B3GALNT2: variants seen among roughly 807,000 people sequenced by gnomAD.
B3GALNT2 encodes the protein beta-1,3-N-acetylgalactosaminyltransferase 2.
In B3GALNT2, 53 loss-of-function variants were observed where a neutral mutation model predicts 61.1. That is an observed-to-expected ratio of 0.87 (90% confidence interval 0.70 to 1.09). The LOEUF (loss-of-function observed/expected upper bound fraction) is 1.09. Among genes scored for constraint, B3GALNT2 ranks in the 50% least tolerant of loss-of-function variants. The pLI is 0.00. For synonymous variants in B3GALNT2, 223 were observed against 237.4 expected (o/e 0.94, Z 0.56); for missense variants, 544 against 623.0 (o/e 0.87, Z 1.35).
At chr1:235,454,336 G>C (rs1683067384) in intron 9 of B3GALNT2, 21 bp from the exon 10 acceptor site, 1 of 1,595,956 alleles carries the variant, frequency 6.3e-7, no homozygotes, top group Non-Finnish European at 8.6e-7. Context: ...AAATAATGTG[G>C]CCTCTTGTGT....
chr1:235,490,844 T>C (rs1685029928), intron 2 of B3GALNT2, among the ~76,000 whole-genome samples: 1 of 152,092 alleles, frequency 6.6e-6, no homozygotes, highest in Non-Finnish European at 1.5e-5. Context: ...GTGGAAATAG[T>C]ATATATGGCA....
chr1:235,497,592 C>T (rs1685386515), intron 1 of B3GALNT2, among the ~76,000 whole-genome samples: 2 of 152,280 alleles, frequency 1.3e-5, no homozygotes, highest in South Asian at 2.1e-4. Flanking sequence ...TAATTTACTA[C>T]CTTATTTTTG....
the B3GALNT2 span, chr1:235,441,367 T>G: frequency 3.9e-6 from 1 of 257,376 alleles, no homozygotes; most frequent in Non-Finnish European, 7.5e-6. Flanking sequence ...AGAAGTGTCC[T>G]GTGGATCGTG....
intron 3 of B3GALNT2, among the ~76,000 whole-genome samples, chr1:235,488,955 T>G (rs1572547357): frequency 6.6e-6 from 1 of 151,844 alleles, no homozygotes; most frequent in Admixed American, 6.6e-5. Context: ...GGTGGTGAGG[T>G]AGGAGGATCG....
downstream of B3GALNT2, among the ~76,000 whole-genome samples, chr1:235,446,103 A>T (rs1682253210): frequency 6.6e-6 from 1 of 152,250 alleles, no homozygotes; most frequent in Admixed American, 6.5e-5. Context: ...CATGGCATGG[A>T]ATTGGCATGA....
intron 2 of B3GALNT2, among the ~76,000 whole-genome samples, chr1:235,492,738 T>G (rs892033572): frequency 2.0e-5 from 3 of 151,902 alleles, no homozygotes; most frequent in Admixed American, 6.6e-5. Flanking sequence ...ACAAACAAGA[T>G]AGGGGTGGGC....
At chr1:235,445,786 T>C (rs1682220823), downstream of B3GALNT2, among the ~76,000 whole-genome samples, 1 of 152,176 alleles carries the variant, frequency 6.6e-6, no homozygotes, top group Non-Finnish European at 1.5e-5. Flanking sequence ...AATACACATA[T>C]GCTCTGACCA....
In B3GALNT2 at chr1:235,448,196, TTAAGTAAG is replaced by T. The variant is rs562018636; in HGVS notation, c.*2002_*2009del. ...GCCTGGGCGACAGAGCAAGACTTACTTAAGTAAGTAAGTAAGTCAGTCTCAAAAAAAAA... is the reference window on the plus strand; with the variant it reads ...GCCTGGGCGACAGAGCAAGACTTACTTAAGTAAGTCAGTCTCAAAAAAAAA... On this transcript the variant is annotated 3_prime_UTR_variant, in exon 12 of 12. Transcript: ENST00000366600. Among the ~76,000 whole-genome samples, 1 of 139,000 alleles carries T rather than the reference TTAAGTAAG, an allele frequency of 7.2e-6. No individual in the cohort carries two copies. The highest frequency in any genetic ancestry group is 1.5e-5 in the Non-Finnish European group (1 of 66,246). The allele number at this position is 139,000 out of a possible 152,430, so 91.2% of individuals were successfully genotyped here.
chr1:235,455,823 C>A, intron 8 of B3GALNT2, 139 bp from the exon 9 acceptor site: 1 of 1,125,416 alleles, frequency 8.9e-7, no homozygotes, highest in Non-Finnish European at 1.2e-6. Context: ...AGAACATTTG[C>A]TCTAACAAAA....
At position 235,458,938 on chromosome 1, in the gene B3GALNT2, T is replaced by C. The variant is rs189689328; in HGVS notation, c.842-152A>G. ...TTAGGTAGAAAAATGGGAACTCTCATACACTGCCAGTAGGATTAAGTGGAT... is the reference window on the plus strand; with the variant it reads ...TTAGGTAGAAAAATGGGAACTCTCACACACTGCCAGTAGGATTAAGTGGAT... On this transcript the variant is annotated intron_variant, in intron 7 of 11. Transcript: ENST00000366600. 39 of 697,460 alleles carry C rather than the reference T, an allele frequency of 5.6e-5. No individual in the cohort carries two copies. In the African/African-American group the frequency reaches 6.4e-4, roughly 11 times the overall value. The allele number at this position is 697,460 out of a possible 1,614,324, so 43.2% of individuals were successfully genotyped here.
At chr1:235,470,512 A>T (rs1008126465) in intron 6 of B3GALNT2, among the ~76,000 whole-genome samples, 4 of 144,310 alleles carry the variant, frequency 2.8e-5, no homozygotes, top group South Asian at 2.2e-4. Context: ...CAGGAGGTGG[A>T]GGCTGCAGTG....
At chr1:235,490,376 G>A (rs191845640) in intron 2 of B3GALNT2, among the ~76,000 whole-genome samples, 788 of 152,202 alleles carry the variant, frequency 5.2e-3, no homozygotes, top group Admixed American at 7.8e-3. Context: ...GATTACAGGC[G>A]TGTGCCACCA....
In B3GALNT2 at chr1:235,461,507, G is replaced by GTTT. The variant is rs57611133; in HGVS notation, c.842-2724_842-2722dup. Among the ~76,000 whole-genome samples the GTTT allele has an allele frequency of 3.3e-3, 209 of 63,382 alleles. 42 individuals are homozygous for GTTT. Among genetic ancestry groups the GTTT allele is most frequent in the East Asian group, 9.4e-3 (16 of 1,698 alleles). The allele number at this position is 63,382 out of a possible 152,430, so 41.6% of individuals were successfully genotyped here. ...GAAACACAGGGGTAGATGACCTCCT[G>GTTT]TTTTTTTTTTTTTTTTTTTTTTTTT... is the stretch of plus-strand genomic sequence containing the variant. On this transcript the variant is annotated intron_variant, in intron 7 of 11. Transcript: ENST00000366600.
chr1:235,485,803 T>C (rs1404431093), intron 3 of B3GALNT2, among the ~76,000 whole-genome samples: 2 of 148,720 alleles, frequency 1.3e-5, no homozygotes, highest in African/African-American at 4.8e-5. Flanking sequence ...CACACACCTA[T>C]TTACTTACAA....
intron 11 of B3GALNT2, chr1:235,452,561 T>TC (rs1682973574): frequency 6.6e-6 from 1 of 152,036 alleles, no homozygotes; most frequent in African/African-American, 2.4e-5. Flanking sequence ...TTTTTTTTTT[T>TC]TGAGACAGGG....
intron 7 of B3GALNT2, chr1:235,465,379 T>C: frequency 2.7e-6 from 1 of 377,300 alleles, no homozygotes; most frequent in Non-Finnish European, 4.6e-6. Context: ...AGTGCATCAG[T>C]AGTTGTTAGG....
At chr1:235,486,769 G>A (rs529336555) in intron 3 of B3GALNT2, among the ~76,000 whole-genome samples, 341 of 152,146 alleles carry the variant, frequency 2.2e-3, no homozygotes, top group African/African-American at 7.9e-3. Context: ...AAAAGTGAAG[G>A]GCTTCTTTTT....
At chr1:235,493,164 G>A (rs1685160865) in intron 2 of B3GALNT2, among the ~76,000 whole-genome samples, 1 of 152,182 alleles carries the variant, frequency 6.6e-6, no homozygotes, top group South Asian at 2.1e-4. Flanking sequence ...AGTGGTAAAG[G>A]TGGTGAGAAG....
Position 235,450,241 on chromosome 1 carries a change from G to A in B3GALNT2, c.1468C>T (p.Arg490Trp), listed in dbSNP as rs751445150. 38 of 1,613,964 alleles carry A rather than the reference G, an allele frequency of 2.4e-5. No individual in the cohort carries two copies. The highest frequency in any genetic ancestry group is 6.7e-5 in the African/African-American group (5 of 74,902). The change falls in exon 12 of 12, where the codon CGG (arginine) becomes TGG (tryptophan). Residue 490 changes from arginine to tryptophan, a missense_variant. Coordinates refer to ENST00000366600, the MANE Select transcript of B3GALNT2 (RefSeq NM_152490.5). ...ELTELWKLKERCGDPCRCQAR is the reference protein window; with the variant it reads ...ELTELWKLKEWCGDPCRCQAR ...TGACATCGACAAGGATCACCGCACC[G>A]TTCCTTCAGTTTCCACAGTTCCGTC...
Sources: gnomAD v4.1 joint callset for allele counts (sites outside exome capture counted in the v4.1 genomes callset) on GRCh38, gnomAD v4.1.1 for gene constraint, MANE v1.5 for transcripts, NCBI Gene and HGNC (gene_info 2026-07-23, HGNC 2026-07-21) for gene names.